Variants in PRRC2C observed in about 807,000 individuals in gnomAD.
PRRC2C encodes the protein protein PRRC2C.
Under a neutral mutation model 317.2 loss-of-function variants are expected in PRRC2C, and 72 were observed. That is an observed-to-expected ratio of 0.23 (90% CI 0.19 to 0.28). The LOEUF is 0.28. Among genes scored for constraint, PRRC2C ranks in the 10% least tolerant of loss-of-function variants. The pLI is 1.00. For missense variants in PRRC2C, 3,074 were observed against 3,459.7 expected (o/e 0.89, Z 2.80); for synonymous variants, 1,296 against 1,205.9 (o/e 1.07, Z -1.55).
intron 1 of PRRC2C, among the ~76,000 whole-genome samples, chr1:171,499,409 G>A (rs1262794941): frequency 6.6e-6 from 1 of 152,212 alleles, no homozygotes; most frequent in African/African-American, 2.4e-5. Context: ...TAGCTTGAAG[G>A]AAAGTTTTGG....
intron 12 of PRRC2C, 114 bp downstream of exon 12, chr1:171,533,075 T>C (rs555514566): frequency 9.2e-7 from 1 of 1,082,572 alleles, no homozygotes; most frequent in East Asian, 2.9e-5. Context: ...GTGATTGTTT[T>C]ATGATAGCAT....
chr1:171,568,377 G>T, intron 23 of PRRC2C, 38 bp downstream of exon 23: 1 of 1,564,216 alleles, frequency 6.4e-7, no homozygotes, highest in South Asian at 1.2e-5. Context: ...GTTTGGATTG[G>T]AACCTGGCTA....
chr1:171,504,113 T>C (rs1231432395), intron 1 of PRRC2C, among the ~76,000 whole-genome samples: 2 of 152,198 alleles, frequency 1.3e-5, no homozygotes, highest in Admixed American at 6.5e-5. Flanking sequence ...TGTATATGTC[T>C]GGTGAAGTGT....
At chr1:171,544,481 A>G (rs1261922336) in intron 16 of PRRC2C, among the ~76,000 whole-genome samples, 2 of 152,210 alleles carry the variant, frequency 1.3e-5, no homozygotes, top group Non-Finnish European at 2.9e-5. Context: ...GCTGTTCCAG[A>G]TAATTTAGAA....
In PRRC2C at chr1:171,566,632, C is replaced by G; in HGVS notation, c.6347C>G (p.Pro2116Arg). The G allele has an allele frequency of 6.2e-7, 1 of 1,601,990 alleles. No individual in the cohort carries two copies. Among genetic ancestry groups the G allele is most frequent in the Non-Finnish European group, 8.5e-7 (1 of 1,173,784 alleles). ...LSPVENKEHK[P>R]GPIGKERSLK... Reference sequence around the variant, plus strand: ...CCAGTAGAAAACAAAGAACACAAACCTGGTCCCATTGGAAAGGAACGTTCA... The same window carrying G: ...CCAGTAGAAAACAAAGAACACAAACGTGGTCCCATTGGAAAGGAACGTTCA... Residue 2116 changes from proline to arginine, a missense_variant, in exon 22 of 35, where the codon CCT becomes CGT. Transcript: ENST00000647382.
Position 171,566,364 on chromosome 1 carries a change from T to C in PRRC2C, c.6249T>C (p.Pro2083=). The C allele has an allele frequency of 6.3e-7, 1 of 1,596,160 alleles. No individual in the cohort carries two copies. Among genetic ancestry groups the C allele is most frequent in the Non-Finnish European group, 8.5e-7 (1 of 1,171,078 alleles). The part of the protein sequence containing the change: ...VLSEKSADKI[P]EPKEQRQKQP... ...CGGAAAAATCTGCTGACAAAATACCTGAACCTAAAGAACAGCGGCAGAAGC... is the reference window on the plus strand; with the variant it reads ...CGGAAAAATCTGCTGACAAAATACCCGAACCTAAAGAACAGCGGCAGAAGC... Residue 2083 remains proline, a synonymous_variant, in exon 21 of 35, where the codon CCT becomes CCC. Transcript: ENST00000647382.
At chr1:171,550,371 C>A in intron 18 of PRRC2C, 131 bp downstream of exon 18, 1 of 740,580 alleles carries the variant, frequency 1.4e-6, no homozygotes, top group Non-Finnish European at 2.0e-6. Flanking sequence ...ACATCATCTT[C>A]CCAACTTTTA....
chr1:171,541,242 G>T lies in PRRC2C; in HGVS notation c.3776G>T (p.Arg1259Ile), dbSNP rs369566911. 2.5e-6 allele frequency: 4 copies of T among 1,613,648 alleles called. No homozygotes were observed. Among genetic ancestry groups the T allele is most frequent in the African/African-American group, 2.7e-5 (2 of 74,896 alleles). The change falls in exon 16 of 35, where the codon AGA (arginine) becomes ATA (isoleucine). Residue 1259 changes from arginine to isoleucine, a missense_variant. Physicochemically the swap from Arg to Ile is moderately conservative, Grantham distance 97. Transcript: ENST00000647382. This position sits in a 1 kb window ranked among gnomAD's most constrained non-coding sequence, Gnocchi z 4.1. The part of the protein sequence containing the change: ...ESSDFEVVPK[R>I]RRQRGSETDT... ...TCTGATTTTGAAGTTGTCCCCAAAA[G>T]AAGACGACAGCGGGGTTCAGAGACT...
At chr1:171,571,976 C>T (rs535685906) in intron 24 of PRRC2C, among the ~76,000 whole-genome samples, 3 of 151,172 alleles carry the variant, frequency 2.0e-5, no homozygotes, top group Non-Finnish European at 4.4e-5. Flanking sequence ...AGAGATTCAG[C>T]GCTTTTTGAT....
chr1:171,513,280 A>G (rs1324862278), intron 3 of PRRC2C, 108 bp downstream of exon 3: 2 of 1,162,818 alleles, frequency 1.7e-6, no homozygotes, highest in Non-Finnish European at 1.2e-6. Flanking sequence ...ATTACATATT[A>G]CATATTTTAT....
intron 1 of PRRC2C, among the ~76,000 whole-genome samples, chr1:171,496,963 A>G (rs1383996975): frequency 1.3e-5 from 2 of 151,700 alleles, no homozygotes; most frequent in Admixed American, 6.6e-5. Context: ...ACACCTGGCT[A>G]TTTTTTTGGT....
At chr1:171,538,673 G>T (rs1016431456) in intron 15 of PRRC2C, among the ~76,000 whole-genome samples, 12 of 151,464 alleles carry the variant, frequency 7.9e-5, no homozygotes, top group Non-Finnish European at 1.5e-4. Context: ...TCTTAACTTT[G>T]TTTTTCCTTA....
chr1:171,508,941 C>T (rs1670775641), intron 1 of PRRC2C, among the ~76,000 whole-genome samples: 1 of 151,864 alleles, frequency 6.6e-6, no homozygotes, highest in Non-Finnish European at 1.5e-5. Flanking sequence ...GGCTGGAGTG[C>T]AGTGGCATGA....
chr1:171,523,235 G>C lies in PRRC2C; in HGVS notation c.848G>C (p.Arg283Thr). The C allele has an allele frequency of 6.2e-7, 1 of 1,611,842 alleles. No homozygotes were observed. Among genetic ancestry groups the C allele is most frequent in the Non-Finnish European group, 8.5e-7 (1 of 1,179,070 alleles). ...LSETNKGLRG[R>T]GPPPSWASEP... ...CCTTTCATTAGAGGCCTTCGAGGAA[G>C]AGGCCCACCTCCTTCATGGGCCTCT... Residue 283 changes from arginine (R) to threonine (T), a missense_variant, in exon 8 of 35, where the codon AGA (arginine) becomes ACA (threonine). Arg to Thr is a moderately conservative substitution (Grantham distance 71). Transcript: ENST00000647382.
At chr1:171,546,730 A>G (rs1228183085) in intron 17 of PRRC2C, among the ~76,000 whole-genome samples, 2 of 152,156 alleles carry the variant, frequency 1.3e-5, no homozygotes, top group African/African-American at 2.4e-5. Flanking sequence ...CTTCCCGAGT[A>G]GCTGGGAGTA....
chr1:171,564,766 T>G (rs928920534), intron 20 of PRRC2C, among the ~76,000 whole-genome samples: 2 of 152,172 alleles, frequency 1.3e-5, no homozygotes, highest in Admixed American at 1.3e-4. Context: ...AAAGGTACAG[T>G]AAAAATACGA....
chr1:171,500,123 C>A (rs72717808), intron 1 of PRRC2C, among the ~76,000 whole-genome samples: 2 of 152,072 alleles, frequency 1.3e-5, no homozygotes, highest in Non-Finnish European at 2.9e-5. Context: ...GAGGAAAGAA[C>A]GGTAAACAGA....
chr1:171,518,620 C>A (rs145529184), intron 6 of PRRC2C, among the ~76,000 whole-genome samples: 141 of 144,584 alleles, frequency 9.8e-4, no homozygotes, highest in African/African-American at 3.4e-3. Flanking sequence ...GCCTCCGCCT[C>A]CCGAGTAGCT....
intron 1 of PRRC2C, among the ~76,000 whole-genome samples, chr1:171,496,230 T>C (rs1668078737): frequency 9.4e-6 from 1 of 105,948 alleles, no homozygotes; most frequent in Admixed American, 1.1e-4. Context: ...TTTTGCAGGG[T>C]CTCCCCCTGT....
Sources: gnomAD v4.1 joint callset for allele counts (sites outside exome capture counted in the v4.1 genomes callset) on GRCh38, gnomAD v4.1.1 for gene constraint, Gnocchi (gnomAD v3.1) non-coding constraint, MANE v1.5 for transcripts, NCBI Gene and HGNC (gene_info 2026-07-23, HGNC 2026-07-21) for gene names.